Variants in ERMP1 observed in about 807,000 individuals in gnomAD.
The protein encoded by ERMP1 is Felix-ina.
ERMP1 carries 86 observed loss-of-function variants against 92.0 expected under a neutral mutation model. The ratio of observed to expected loss-of-function variants is 0.93; its 90% confidence interval spans 0.79 to 1.12. The LOEUF is 1.12. Among genes scored for constraint, ERMP1 ranks in the 50% most tolerant of loss-of-function variants. The pLI is 0.00. For synonymous variants in ERMP1, 530 were observed against 412.8 expected, an observed-to-expected ratio of 1.28 and a Z score of -3.44; for missense variants, 1,342 against 1,116.3, an observed-to-expected ratio of 1.20 and a Z score of -2.88.
rs1554630170 is a variant in ERMP1, at chr9:5,861,170, G to GGGGTGTGTGTGT, written n.3056-1560_3056-1559insACACACACACCC. On this transcript the variant is annotated intron_variant and non_coding_transcript_variant, in intron 5 of 6. Transcript: ENST00000690753. ...GCAGTGAACCCACAATGGCTTAGGGGGTGTGTGTGTGTGTGTGTGTGTGTG... is the reference window on the plus strand; with the variant it reads ...GCAGTGAACCCACAATGGCTTAGGGGGGGTGTGTGTGTGTGTGTGTGTGTGTGTGTGTGTGTG... Among the ~76,000 whole-genome samples, 3 of 102,140 alleles carry GGGGTGTGTGTGT rather than the reference G, an allele frequency of 2.9e-5. No homozygotes were observed. In the East Asian group the frequency reaches 1.3e-3, roughly 45 times the overall value. 67.0% of individuals were successfully genotyped at this position (102,140 alleles called of 152,430 possible).
chr9:5,792,070 G>C (rs893927420), intron 13 of ERMP1, among the ~76,000 whole-genome samples: 2 of 152,128 alleles, frequency 1.3e-5, no homozygotes, highest in East Asian at 1.9e-4. Flanking sequence ...ACCAAGAAGA[G>C]TATCACTCAT....
At position 5,824,087 on chromosome 9, in the gene ERMP1, T is replaced by G. The variant is rs1008316281; in HGVS notation, c.769-86A>C. The stretch of plus-strand genomic sequence containing the variant: ...TTTGCTTAAACACAGAGAGACTACT[T>G]TGATGAGGTAAGGAATATGAAAACA... On this transcript the variant is annotated intron_variant, in intron 3 of 14. Transcript: ENST00000339450. 6 of 970,044 alleles carry G rather than the reference T, an allele frequency of 6.2e-6. No homozygotes were observed. The African/African-American group carries it at 8.2e-5, about 13-fold the overall frequency. The allele number at this position is 970,044 out of a possible 1,614,324, so 60.1% of individuals were successfully genotyped here.
chr9:5,864,591 C>A (rs1830597002), intron 5 of ERMP1, among the ~76,000 whole-genome samples: 1 of 152,194 alleles, frequency 6.6e-6, no homozygotes, highest in African/African-American at 2.4e-5. Flanking sequence ...GTCAAAATGA[C>A]AGGCTTTCCT....
chr9:5,834,011 G>C (rs1830047923), upstream of ERMP1, among the ~76,000 whole-genome samples: 1 of 152,170 alleles, frequency 6.6e-6, no homozygotes, highest in Non-Finnish European at 1.5e-5. Flanking sequence ...TTAACCTAGA[G>C]ACCAACTGGG....
At chr9:5,802,615 A>T (rs1438110491) in intron 10 of ERMP1, among the ~76,000 whole-genome samples, 2 of 152,144 alleles carry the variant, frequency 1.3e-5, no homozygotes, top group Non-Finnish European at 2.9e-5. Context: ...TGAACTGCTG[A>T]CCTTAAGTCA....
intron 6 of ERMP1, among the ~76,000 whole-genome samples, chr9:5,853,262 C>G (rs1830331781): frequency 6.6e-6 from 1 of 152,190 alleles, no homozygotes; most frequent in Non-Finnish European, 1.5e-5. Context: ...TGTCCTGCTT[C>G]TAGGCAGAAA....
upstream of ERMP1, among the ~76,000 whole-genome samples, chr9:5,837,779 T>C (rs1830111699): frequency 6.6e-6 from 1 of 152,226 alleles, no homozygotes; most frequent in African/African-American, 2.4e-5. Flanking sequence ...GGAATGCATG[T>C]GAAAATGTGG....
chr9:5,806,875 GC>G, intron 8 of ERMP1, among the ~76,000 whole-genome samples: 1 of 152,230 alleles, frequency 6.6e-6, no homozygotes, highest in African/African-American at 2.4e-5. Context: ...TTCTTCAAGG[GC>G]TCAAGAGTTT....
At chr9:5,858,750 G>T (rs1830417492) in intron 6 of ERMP1, among the ~76,000 whole-genome samples, 1 of 152,192 alleles carries the variant, frequency 6.6e-6, no homozygotes, top group African/African-American at 2.4e-5. Flanking sequence ...TGAGGTCAGA[G>T]AAATGTTCAA....
At chr9:5,844,527 G>A (rs1471801960) in intron 6 of ERMP1, among the ~76,000 whole-genome samples, 1 of 152,132 alleles carries the variant, frequency 6.6e-6, no homozygotes, top group Non-Finnish European at 1.5e-5. Flanking sequence ...ACCCTCCTTG[G>A]CCTCCCAAAG....
At chr9:5,856,430 C>A in intron 6 of ERMP1, 1 of 169,024 alleles carries the variant, frequency 5.9e-6, no homozygotes, top group South Asian at 1.5e-4. Flanking sequence ...AAGCCATTGC[C>A]TTTGGGAGGA....
chr9:5,844,461 G>C (rs990264506), intron 6 of ERMP1, among the ~76,000 whole-genome samples: 2 of 152,110 alleles, frequency 1.3e-5, no homozygotes, highest in African/African-American at 4.8e-5. Flanking sequence ...TTTTAGTAGA[G>C]ATGGTGTTTT....
chr9:5,851,787 T>C (rs970462334), intron 6 of ERMP1, among the ~76,000 whole-genome samples: 4 of 152,164 alleles, frequency 2.6e-5, no homozygotes, highest in African/African-American at 9.7e-5. Context: ...CAAAATTGAT[T>C]TTAACACACA....
At chr9:5,802,262 G>A (rs923721972) in intron 10 of ERMP1, among the ~76,000 whole-genome samples, 1 of 152,160 alleles carries the variant, frequency 6.6e-6, no homozygotes, top group Non-Finnish European at 1.5e-5. Flanking sequence ...TTTTGCTGCA[G>A]ATGCCTCTGG....
intron 11 of ERMP1, among the ~76,000 whole-genome samples, chr9:5,799,326 A>T (rs1385151443): frequency 6.6e-6 from 1 of 152,214 alleles, no homozygotes; most frequent in Non-Finnish European, 1.5e-5. Context: ...AATACATCCT[A>T]AGCACATATA....
chr9:5,802,310 C>T (rs535707668), intron 10 of ERMP1, among the ~76,000 whole-genome samples: 1 of 152,090 alleles, frequency 6.6e-6, no homozygotes, highest in Non-Finnish European at 1.5e-5. Context: ...AAATCTAAAC[C>T]CACCTCCCCT....
At chr9:5,824,979 T>A in intron 3 of ERMP1, 113 bp downstream of exon 3, 1 of 1,014,358 alleles carries the variant, frequency 9.9e-7, no homozygotes, top group Middle Eastern at 2.8e-4. Context: ...TATTATTTTA[T>A]ACTACCCACA....
At chr9:5,822,539 G>C (rs886580066) in intron 4 of ERMP1, among the ~76,000 whole-genome samples, 30 of 152,254 alleles carry the variant, frequency 2.0e-4, no homozygotes, top group Middle Eastern at 3.4e-3. Context: ...GACATACTTA[G>C]CATAGTTTCA....
chr9:5,791,245 G>C (rs1370494256), intron 13 of ERMP1: 1 of 456,848 alleles, frequency 2.2e-6, no homozygotes, highest in Non-Finnish European at 4.4e-6. Context: ...TGATTGTTGA[G>C]GCTGGCAAGT....
Sources: allele counts gnomAD v4.1 joint callset (sites outside exome capture counted in the v4.1 genomes callset), GRCh38; gene constraint gnomAD v4.1.1; transcripts MANE v1.5; gene names NCBI Gene and HGNC (gene_info 2026-07-23, HGNC 2026-07-21).